MYO7B: variants seen among roughly 807,000 people sequenced by gnomAD.
MYO7B encodes the protein myosin VIIB, also known as unconventional myosin-VIIb.
MYO7B carries 212 observed loss-of-function variants against 259.7 expected under a neutral mutation model. The ratio of observed to expected loss-of-function variants is 0.82; its 90% CI spans 0.73 to 0.91. MYO7B has a LOEUF of 0.91. Ranked by LOEUF, MYO7B falls within the 40% of genes least tolerant of loss-of-function variation. MYO7B has a pLI of 0.00. For synonymous variants in MYO7B, 1,197 were observed against 1,166.4 expected (o/e 1.03, Z -0.54); for missense variants, 2,732 against 2,813.5 (o/e 0.97, Z 0.66).
rs1454647685 is a variant in MYO7B, at chr2:127,544,147, G to A, written c.-24+8316G>A. On this transcript the variant is annotated intron_variant, in intron 1 of 47. Coordinates refer to ENST00000409816, the MANE Select transcript of MYO7B (RefSeq NM_001393586.1). ...GCTGAAGTGCAGTGATGCAATCATA[G>A]CTCACTACAGCCTCGAACTCCCAGA... 5.3e-5 allele frequency among the ~76,000 whole-genome samples: 8 copies of A among 151,984 alleles called. 1 individual carries two copies. Among genetic ancestry groups the A allele is most frequent in the Non-Finnish European group, 1.2e-4 (8 of 68,022 alleles).
At position 127,597,574 on chromosome 2, in the gene MYO7B, T is replaced by A. The variant is rs1306828452; in HGVS notation, c.2339+1018T>A. On this transcript the variant is annotated intron_variant, in intron 19 of 47. Coordinates refer to ENST00000409816, the MANE Select transcript of MYO7B (RefSeq NM_001393586.1). This position sits in a 1 kb window ranked among gnomAD's most constrained non-coding sequence, Gnocchi z 4.8. ...GGGTGGGCTTTTTTCACTTGGCATG[T>A]TTCTCTGGAGATTCATCCAGGTTAT... is the stretch of plus-strand genomic sequence containing the variant. Among the ~76,000 whole-genome samples, 2 of 152,176 alleles carry A rather than the reference T, an allele frequency of 1.3e-5. No individual in the cohort carries two copies. Among genetic ancestry groups the A allele is most frequent in the Non-Finnish European group, 2.9e-5 (2 of 68,028 alleles).
In MYO7B at chr2:127,632,437, T is replaced by G. The variant is rs765961137; in HGVS notation, c.5405+36T>G. 5 of 1,500,184 alleles carry G rather than the reference T, an allele frequency of 3.3e-6. No homozygotes were observed. In the South Asian group the frequency reaches 6.7e-5, roughly 20 times the overall value. 92.9% of individuals were successfully genotyped at this position (1,500,184 alleles called of 1,614,324 possible). ...TGCCTCCAGCCCCCAGCATTGGCCCTGGGCCCGCAGACCTGGGATGCTGTG... is the reference window on the plus strand; with the variant it reads ...TGCCTCCAGCCCCCAGCATTGGCCCGGGGCCCGCAGACCTGGGATGCTGTG... On this transcript the variant is annotated intron_variant, in intron 39 of 47. Coordinates refer to ENST00000409816, the MANE Select transcript of MYO7B (RefSeq NM_001393586.1).
rs1394755984 is a variant in MYO7B at position 127,620,431 on chromosome 2, C to A, written c.3490C>A (p.Leu1164Ile). The part of the protein sequence containing the change: ...ARGWILLSLC[L>I]GCFPPSERFM... The stretch of plus-strand genomic sequence containing the variant: ...GGGCTGGATCCTGCTCAGCCTCTGC[C>A]TCGGCTGCTTCCCACCCTCAGAGAG... Residue 1164 changes from leucine (L) to isoleucine (I), a missense_variant, in exon 27 of 48, where the codon CTC (leucine) becomes ATC (isoleucine). By Grantham distance (5) the Leu-to-Ile change is conservative. This residue lies in a region of MYO7B where 1,906 missense variants were observed against 2,026.4 expected (regional missense o/e 0.94). Coordinates refer to ENST00000409816, the MANE Select transcript of MYO7B (RefSeq NM_001393586.1). 6.3e-7 allele frequency: 1 copy of A among 1,599,542 alleles called. No individual in the cohort carries two copies. The highest frequency in any genetic ancestry group is 2.3e-5 in the East Asian group (1 of 44,330).
chr2:127,621,587 T>C (rs1209295761), intron 27 of MYO7B, among the ~76,000 whole-genome samples: 2 of 152,190 alleles, frequency 1.3e-5, no homozygotes, highest in Non-Finnish European at 2.9e-5. Context: ...CTGTCTTCAT[T>C]ATGTTTTCTC....
chr2:127,634,777 C>A, intron 42 of MYO7B, 94 bp downstream of exon 42: 1 of 1,188,282 alleles, frequency 8.4e-7, no homozygotes, highest in Non-Finnish European at 1.2e-6. Context: ...ATTCATCCAT[C>A]CATTCGTTCC....
rs1467389764 is a variant in MYO7B at position 127,574,116 on chromosome 2, A to G, written c.735+54A>G. On this transcript the variant is annotated intron_variant, in intron 7 of 47. Transcript: ENST00000409816. The stretch of plus-strand genomic sequence containing the variant: ...GTTGAGGGAATGGGGGAGGTTTCCA[A>G]GAGGGGCCCCTTTCCCACTCTCACC... The G allele has an allele frequency of 3.7e-5, 60 of 1,605,532 alleles. No individual in the cohort carries two copies. The Admixed American group carries it at 6.9e-4, about 18-fold the overall frequency.
chr2:127,593,423 C>G, intron 17 of MYO7B, 123 bp from the exon 18 acceptor site: 1 of 914,530 alleles, frequency 1.1e-6, no homozygotes, highest in East Asian at 2.6e-5. Flanking sequence ...TGTGCCTGGG[C>G]GGGGGTGGGC....
rs979616493 is a variant in MYO7B, at chr2:127,546,228, G to A, written c.-24+10397G>A. On this transcript the variant is annotated intron_variant, in intron 1 of 47. Coordinates refer to ENST00000409816, the MANE Select transcript of MYO7B (RefSeq NM_001393586.1). The surrounding 1 kb of genome is among the most constrained non-coding windows in gnomAD (Gnocchi z 4.2). Reference sequence around the variant, plus strand: ...GTATCCCATAGGCCAGAGTCTCAATGTTAGCTTTGCTTCTTGGACCCCTGG... The same window carrying A: ...GTATCCCATAGGCCAGAGTCTCAATATTAGCTTTGCTTCTTGGACCCCTGG... Among the ~76,000 whole-genome samples the A allele has an allele frequency of 2.0e-5, 3 of 152,230 alleles. No homozygotes were observed. Among genetic ancestry groups the A allele is most frequent in the African/African-American group, 7.2e-5 (3 of 41,452 alleles).
rs1679259359 is a variant in MYO7B at position 127,585,303 on chromosome 2, C to G, written c.1690+390C>G. On this transcript the variant is annotated intron_variant, in intron 14 of 47. Coordinates refer to ENST00000409816, the MANE Select transcript of MYO7B (RefSeq NM_001393586.1). The surrounding 1 kb of genome is among the most constrained non-coding windows in gnomAD (Gnocchi z 4.3). ...ATTAATTTCTGTCTCTATGGATTTGCCTATTCTGACTTTTTGCATAAATGG... is the reference window on the plus strand; with the variant it reads ...ATTAATTTCTGTCTCTATGGATTTGGCTATTCTGACTTTTTGCATAAATGG... 6.6e-6 allele frequency among the ~76,000 whole-genome samples: 1 copy of G among 152,112 alleles called. No individual in the cohort carries two copies. Among genetic ancestry groups the G allele is most frequent in the African/African-American group, 2.4e-5 (1 of 41,408 alleles).
chr2:127,570,707 T>G (rs1378698689), intron 6 of MYO7B, among the ~76,000 whole-genome samples: 2 of 152,142 alleles, frequency 1.3e-5, no homozygotes, highest in African/African-American at 4.8e-5. Context: ...AAATAGAATT[T>G]TCCCTTCACC....
intron 1 of MYO7B, among the ~76,000 whole-genome samples, chr2:127,547,595 TCTTAGCTGTGGGAGGCATGACACGGTCAA>T (rs1203931655): frequency 6.6e-6 from 1 of 152,136 alleles, no homozygotes; most frequent in Non-Finnish European, 1.5e-5. Context: ...TATGGCACAT[TCTTAGCTGTGGGAGGCATGACACGGTCAA>T]CTTTTGCATC....
Position 127,628,442 on chromosome 2 carries a change from A to G in MYO7B, c.4531A>G (p.Ser1511Gly). The G allele has an allele frequency of 6.3e-7, 1 of 1,590,792 alleles. No individual in the cohort carries two copies. The highest frequency in any genetic ancestry group is 8.5e-7 in the Non-Finnish European group (1 of 1,170,096). ...HEEYEFVSPS[S>G]VAIAELVALF... ...GGAGTACGAGTTTGTGTCACCCAGC[A>G]GTGTGGCCATCGCTGAGCTGGTGGC... Residue 1511 changes from serine (S) to glycine (G), a missense_variant, in exon 34 of 48, where the codon AGT (serine) becomes GGT (glycine). Physicochemically the swap from Ser to Gly is moderately conservative, Grantham distance 56. This residue lies in a region of MYO7B where 1,906 missense variants were observed against 2,026.4 expected (regional missense o/e 0.94). Coordinates refer to ENST00000409816, the MANE Select transcript of MYO7B (RefSeq NM_001393586.1). This position sits in a 1 kb window ranked among gnomAD's most constrained non-coding sequence, Gnocchi z 4.8.
intron 38 of MYO7B, 42 bp from the exon 39 acceptor site, chr2:127,632,204 C>A (rs1280736206): frequency 6.3e-7 from 1 of 1,590,152 alleles, no homozygotes; most frequent in Non-Finnish European, 8.6e-7. Context: ...TGGCCAGGGC[C>A]CCCTGAGGGG....
At chr2:127,637,192 C>A (rs777565801) in intron 47 of MYO7B, 124 bp from the exon 48 acceptor site, 3 of 905,192 alleles carry the variant, frequency 3.3e-6, no homozygotes, top group Non-Finnish European at 5.4e-6. Context: ...ATGGCAGGAG[C>A]CCGCCTTCCC....
At chr2:127,622,152 C>A in intron 28 of MYO7B, 51 bp downstream of exon 28, 1 of 1,516,110 alleles carries the variant, frequency 6.6e-7, no homozygotes, top group South Asian at 1.2e-5. Flanking sequence ...TGCAGACCCC[C>A]AGGGACCCCC....
chr2:127,637,256 T>C (rs1180075492), intron 47 of MYO7B, 60 bp from the exon 48 acceptor site: 2 of 1,321,560 alleles, frequency 1.5e-6, no homozygotes. Context: ...GGTCCCTGAG[T>C]CCAGGACCCC....
intron 1 of MYO7B, among the ~76,000 whole-genome samples, chr2:127,537,692 A>G (rs1415763172): frequency 2.6e-5 from 4 of 151,432 alleles, no homozygotes; most frequent in African/African-American, 4.9e-5. Flanking sequence ...AGGAAGAAGA[A>G]GAGGAGGAGG....
At chr2:127,554,747 T>C (rs1345661997) in intron 1 of MYO7B, among the ~76,000 whole-genome samples, 2 of 152,168 alleles carry the variant, frequency 1.3e-5, no homozygotes, top group African/African-American at 2.4e-5. Context: ...TTTATTACCA[T>C]GTCAGTCTTG....
Position 127,605,913 on chromosome 2 carries a change from G to T in MYO7B, c.2409G>T (p.Arg803Ser). 1.2e-6 allele frequency: 2 copies of T among 1,613,028 alleles called. No homozygotes were observed. The highest frequency in any genetic ancestry group is 1.7e-6 in the Non-Finnish European group (2 of 1,179,728). ...CCTGGTGGAGAGGCTACTGCAACAG[G>T]AGGAATTTCAAGCTGGTGAGAGAGC... ...LQAWWRGYCN[R>S]RNFKLILVGF... Residue 803 changes from arginine to serine, a missense_variant, in exon 20 of 48, where the codon AGG (arginine) becomes AGT (serine). By Grantham distance (110) the Arg-to-Ser change is moderately radical (BLOSUM62 -1). Around this residue, in one of 3 missense-constraint regions of MYO7B, gnomAD observed 1,906 missense variants for 2,026.4 expected, o/e 0.94. Transcript: ENST00000409816.
Sources: gnomAD v4.1 joint callset for allele counts (sites outside exome capture counted in the v4.1 genomes callset) on GRCh38, gnomAD v4.1.1 for gene constraint, gnomAD v4.1.1 regional missense constraint, Gnocchi (gnomAD v3.1) non-coding constraint, MANE v1.5 for transcripts, NCBI Gene and HGNC (gene_info 2026-07-23, HGNC 2026-07-21) for gene names.